Variants in ADD2 observed in about 807,000 individuals in gnomAD.
ADD2 encodes adducin 2, also known as beta-adducin.
Under a neutral mutation model 83.0 loss-of-function variants are expected in ADD2, and 23 were observed. That is an observed-to-expected ratio of 0.28 (90% CI 0.20 to 0.39). The LOEUF (loss-of-function observed/expected upper bound fraction) is 0.39. Ranked by LOEUF, ADD2 falls within the 10% of genes least tolerant of loss-of-function variation. ADD2 has a pLI of 1.00. For missense variants in ADD2, 758 were observed against 944.9 expected, an observed-to-expected ratio of 0.80 and a Z score of 2.59; for synonymous variants, 375 against 375.4, an observed-to-expected ratio of 1.00 and a Z score of 0.01.
chr2:70,714,552 C>T (rs1311078772), intron 1 of ADD2, among the ~76,000 whole-genome samples: 1 of 152,232 alleles, frequency 6.6e-6, no homozygotes, highest in African/African-American at 2.4e-5. Context: ...CTGATGCTCG[C>T]CCATCTACTT....
In ADD2 at chr2:70,686,786, G is replaced by T. The variant is rs1670747479; in HGVS notation, c.948+1238C>A. On this transcript the variant is annotated intron_variant, in intron 9 of 15. Coordinates refer to ENST00000264436, the MANE Select transcript of ADD2 (RefSeq NM_001617.4). ...CATCACATCAGAAAGGCACCAGCTG[G>T]GTCTGTGTCCACCTGCCCCTGTTCT... 2.6e-5 allele frequency among the ~76,000 whole-genome samples: 4 copies of T among 152,132 alleles called. No individual in the cohort carries two copies. In the South Asian group the frequency reaches 8.3e-4, roughly 32 times the overall value.
intron 15 of ADD2, among the ~76,000 whole-genome samples, chr2:70,670,205 A>G (rs896661631): frequency 7.9e-5 from 12 of 152,264 alleles, no homozygotes; most frequent in African/African-American, 2.7e-4. Context: ...ATTAGCTCTC[A>G]CAATTTGGAG....
At chr2:70,675,301 A>C in intron 13 of ADD2, 1 of 990,974 alleles carries the variant, frequency 1.0e-6, no homozygotes. Flanking sequence ...AGTTATATGC[A>C]CAACACACAG....
intron 1 of ADD2, among the ~76,000 whole-genome samples, chr2:70,715,750 C>T (rs1672430467): frequency 6.6e-6 from 1 of 152,130 alleles, no homozygotes; most frequent in East Asian, 1.9e-4. Context: ...CACACCGCAG[C>T]CTCCCCAGCC....
intron 4 of ADD2, among the ~76,000 whole-genome samples, chr2:70,698,732 A>G (rs1671433075): frequency 6.6e-6 from 1 of 152,174 alleles, no homozygotes; most frequent in African/African-American, 2.4e-5. Flanking sequence ...TAATATTACA[A>G]CAAGTTTTTA....
chr2:70,705,796 C>T (rs2104384533), intron 3 of ADD2, among the ~76,000 whole-genome samples: 1 of 152,328 alleles, frequency 6.6e-6, no homozygotes, highest in Admixed American at 6.5e-5. Flanking sequence ...CATGTCAAAG[C>T]TTCATTTGTC....
chr2:70,731,749 G>A (rs902083212), intron 1 of ADD2, among the ~76,000 whole-genome samples: 12 of 152,124 alleles, frequency 7.9e-5, no homozygotes, highest in Non-Finnish European at 1.2e-4. Flanking sequence ...ATCCCTCTAC[G>A]GACCCCACAG....
rs1466591479 is a variant in ADD2, at chr2:70,665,460, C to T, written c.1871-1725G>A. On this transcript the variant is annotated intron_variant, in intron 15 of 15. Transcript: ENST00000264436. ...CATCCAGTGTCCCATCCCGTCCCGCCACGTAATACTGTGGCCATCACTTGG... is the reference window on the plus strand; with the variant it reads ...CATCCAGTGTCCCATCCCGTCCCGCTACGTAATACTGTGGCCATCACTTGG... 2.6e-5 allele frequency among the ~76,000 whole-genome samples: 4 copies of T among 152,200 alleles called. No homozygotes were observed. The East Asian group carries it at 7.7e-4, about 29-fold the overall frequency.
rs1671916100 is a variant in ADD2 at position 70,706,545 on chromosome 2, A to G, written c.-34-103T>C. The G allele has an allele frequency of 2.7e-6, 3 of 1,094,480 alleles. No homozygotes were observed. The Admixed American group carries it at 8.3e-5, about 30-fold the overall frequency. 67.8% of individuals were successfully genotyped at this position (1,094,480 alleles called of 1,614,324 possible). On this transcript the variant is annotated intron_variant, in intron 2 of 15. Coordinates refer to ENST00000264436, the MANE Select transcript of ADD2 (RefSeq NM_001617.4). This position sits in a 1 kb window ranked among gnomAD's most constrained non-coding sequence, Gnocchi z 5.0. The stretch of plus-strand genomic sequence containing the variant: ...GGTTCAGTTGGATTCTCAGTGGGGT[A>G]CGGCTGTTCCTAGGATGGTAGAGGC...
At position 70,658,585 on chromosome 2, in the gene ADD2, G is replaced by A. The variant is rs1219335038; in HGVS notation, c.*4840C>T. ...GCCCTGTCCTTTCTGTGGGAGTGGA[G>A]AGCTTAAATTTAGCCTCTCCCTCAT... On this transcript the variant is annotated 3_prime_UTR_variant, in exon 16 of 16. Coordinates refer to ENST00000264436, the MANE Select transcript of ADD2 (RefSeq NM_001617.4). The A allele has an allele frequency of 6.6e-6, 1 of 152,122 alleles. No homozygotes were observed. The highest frequency in any genetic ancestry group is 1.5e-5 in the Non-Finnish European group (1 of 68,022). The allele number at this position is 152,122 out of a possible 1,614,324, so 9.4% of individuals were successfully genotyped here. A position where few individuals can be genotyped will look rare whatever the true frequency, so the allele number is the denominator to read the frequency against.
At chr2:70,667,048 C>T (rs1675830467) in intron 15 of ADD2, among the ~76,000 whole-genome samples, 1 of 152,192 alleles carries the variant, frequency 6.6e-6, no homozygotes, top group South Asian at 2.1e-4. Flanking sequence ...CTCTGATAGC[C>T]TAGACCCCTC....
At position 70,674,778 on chromosome 2, in the gene ADD2, G is replaced by A. The variant is rs782757135; in HGVS notation, c.1641C>T (p.Asp547=). ...LMSKGDEDTK[D]DSEETVPNPF... is the part of the protein sequence containing the mutation. ...GGTTGGGCACCGTCTCCTCTGAATCGTCTTTGGTATCCTCGTCTCCCTTGG... is the reference window on the plus strand; with the variant it reads ...GGTTGGGCACCGTCTCCTCTGAATCATCTTTGGTATCCTCGTCTCCCTTGG... The change falls in exon 14 of 16, where the codon GAC becomes GAT. Residue 547 remains aspartate (D), a synonymous_variant. Coordinates refer to ENST00000264436, the MANE Select transcript of ADD2 (RefSeq NM_001617.4). The A allele has an allele frequency of 8.1e-6, 13 of 1,613,946 alleles. No homozygotes were observed. The highest frequency in any genetic ancestry group is 6.6e-5 in the South Asian group (6 of 91,076).
rs1338673441 is a variant in ADD2 at position 70,708,959 on chromosome 2, T to C, written c.-34-2517A>G. The stretch of plus-strand genomic sequence containing the variant: ...TTTCTGTAGGTCACTTTCCTTTTTC[T>C]GTCCATAAATGTATCCAATCATGTG... On this transcript the variant is annotated intron_variant, in intron 2 of 15. Transcript: ENST00000264436. Among the ~76,000 whole-genome samples, 12 of 152,242 alleles carry C rather than the reference T, an allele frequency of 7.9e-5. No individual in the cohort carries two copies. The East Asian group carries it at 2.3e-3, about 29-fold the overall frequency.
At chr2:70,761,660 GAACA>G in intron 1 of ADD2, among the ~76,000 whole-genome samples, 1 of 146,844 alleles carries the variant, frequency 6.8e-6, no homozygotes, top group South Asian at 2.1e-4. Context: ...ATTTATGAAA[GAACA>G]AATAGACACA....
chr2:70,746,604 ACT>A (rs1265307746), intron 1 of ADD2, among the ~76,000 whole-genome samples: 2 of 152,158 alleles, frequency 1.3e-5, no homozygotes, highest in Non-Finnish European at 2.9e-5. Context: ...ACGCAGTCTG[ACT>A]CTACCACTTC....
intron 6 of ADD2, among the ~76,000 whole-genome samples, chr2:70,693,706 G>A (rs1553372120): frequency 3.9e-5 from 6 of 152,310 alleles, no homozygotes; most frequent in African/African-American, 1.4e-4. Context: ...GTGGAGTGCT[G>A]CCCTCTGGTT....
At chr2:70,666,633 C>T (rs543663877) in intron 15 of ADD2, among the ~76,000 whole-genome samples, 1 of 152,356 alleles carries the variant, frequency 6.6e-6, no homozygotes, top group East Asian at 1.9e-4. Flanking sequence ...AGTGTCATTT[C>T]CTGCCTGGTG....
At position 70,663,504 on chromosome 2, in the gene ADD2, G is replaced by A; in HGVS notation, c.2102C>T (p.Ser701Phe). The A allele has an allele frequency of 6.2e-7, 1 of 1,614,128 alleles. No individual in the cohort carries two copies. The highest frequency in any genetic ancestry group is 8.5e-7 in the Non-Finnish European group (1 of 1,180,006). Residue 701 changes from serine (S) to phenylalanine (F), a missense_variant, in exon 16 of 16, where the codon TCT becomes TTT. This residue lies in a region of ADD2 where 165 missense variants were observed against 176.2 expected (regional missense o/e 0.94). Transcript: ENST00000264436. Reference sequence around the variant, plus strand: ...GAATTTCTTTTTCTTCTTTGAGGGAGACTTGGAAGGTGAGCCCTCTGGGGA... The same window carrying A: ...GAATTTCTTTTTCTTCTTTGAGGGAAACTTGGAAGGTGAGCCCTCTGGGGA... ...PMSPEGSPSKSPSKKKKKFRT... is the reference protein window; with the variant it reads ...PMSPEGSPSKFPSKKKKKFRT...
intron 2 of ADD2, among the ~76,000 whole-genome samples, chr2:70,707,315 T>C (rs1312015110): frequency 6.6e-6 from 1 of 152,250 alleles, no homozygotes; most frequent in Non-Finnish European, 1.5e-5. Context: ...TAAATATGGT[T>C]TGCAGGGTGC....
Sources: gnomAD v4.1 joint callset for allele counts (sites outside exome capture counted in the v4.1 genomes callset) on GRCh38, gnomAD v4.1.1 for gene constraint, gnomAD v4.1.1 regional missense constraint, Gnocchi (gnomAD v3.1) non-coding constraint, MANE v1.5 for transcripts, NCBI Gene and HGNC (gene_info 2026-07-23, HGNC 2026-07-21) for gene names.